Variants in DAB1 observed in about 807,000 individuals in gnomAD.
DAB1 encodes DAB adaptor protein 1.
Under a neutral mutation model 64.6 loss-of-function variants are expected in DAB1, and 15 were observed. The observed-to-expected ratio is 0.23, with a 90% CI of 0.16 to 0.36. DAB1 has a LOEUF of 0.36. DAB1 is among the 10% of genes least tolerant of loss of function. The pLI is 1.00. For synonymous variants in DAB1, 235 were observed against 251.9 expected (o/e 0.93, Z 0.64); for missense variants, 596 against 706.7 (o/e 0.84, Z 1.78).
At chr1:57,225,591 G>A (rs755632823) in intron 2 of DAB1, among the ~76,000 whole-genome samples, 7 of 152,068 alleles carry the variant, frequency 4.6e-5, no homozygotes, top group African/African-American at 7.2e-5. Context: ...AGAAGCTCAC[G>A]GTGTACGGTA....
intron 4 of DAB1, among the ~76,000 whole-genome samples, chr1:58,337,285 GA>G (rs11322441): frequency 0.15 from 10,275 of 67,262 alleles, 612 homozygotes; most frequent in East Asian, 0.42. Flanking sequence ...CTGTCTCAAA[GA>G]AAAAAAAAAA....
chr1:57,962,280 G>A (rs930730283), intron 5 of DAB1, among the ~76,000 whole-genome samples: 1 of 151,908 alleles, frequency 6.6e-6, no homozygotes, highest in African/African-American at 2.4e-5. Context: ...GTATCTGCCT[G>A]GTATATAACT....
intron 3 of DAB1, among the ~76,000 whole-genome samples, chr1:58,463,380 A>T (rs1645262848): frequency 6.6e-6 from 1 of 152,212 alleles, no homozygotes; most frequent in African/African-American, 2.4e-5. Context: ...GCTGGCTCCA[A>T]GGAGAAGGTG....
chr1:58,228,876 A>G, intron 4 of DAB1: 2 of 569,266 alleles, frequency 3.5e-6, no homozygotes, highest in Admixed American at 2.1e-5. Flanking sequence ...AGAGGCCCAG[A>G]GCATCCGCAG....
chr1:57,797,472 TC>T (rs1281010212), intron 6 of DAB1, among the ~76,000 whole-genome samples: 9 of 152,334 alleles, frequency 5.9e-5, no homozygotes, highest in African/African-American at 1.9e-4. Context: ...TTTAATCTAA[TC>T]TTGGCTAAAA....
At chr1:57,231,090 G>T (rs903831508) in intron 2 of DAB1, among the ~76,000 whole-genome samples, 1 of 152,112 alleles carries the variant, frequency 6.6e-6, no homozygotes, top group Non-Finnish European at 1.5e-5. Flanking sequence ...CAACCTTGTT[G>T]CTATTTTCAA....
intron 7 of DAB1, among the ~76,000 whole-genome samples, chr1:57,473,775 G>A (rs1252828276): frequency 6.6e-6 from 1 of 152,032 alleles, no homozygotes; most frequent in East Asian, 1.9e-4. Flanking sequence ...AATACCCTTG[G>A]GGGTGTCTGC....
intron 5 of DAB1, among the ~76,000 whole-genome samples, chr1:57,932,199 G>A (rs1353506949): frequency 2.0e-5 from 3 of 152,034 alleles, no homozygotes; most frequent in East Asian, 1.9e-4. Flanking sequence ...AGCAGATATC[G>A]ATTGTATGAT....
chr1:58,011,727 G>A (rs570380201), intron 5 of DAB1, among the ~76,000 whole-genome samples: 8 of 151,618 alleles, frequency 5.3e-5, no homozygotes, highest in Admixed American at 1.3e-4. Flanking sequence ...TCTTTCTGTC[G>A]CCCAGGCTGG....
intron 3 of DAB1, among the ~76,000 whole-genome samples, chr1:58,456,703 T>C (rs754884043): frequency 3.3e-5 from 5 of 152,162 alleles, no homozygotes; most frequent in Non-Finnish European, 7.4e-5. Context: ...ACCAAATACT[T>C]ATGAAGCTCC....
At chr1:57,601,103 AC>A (rs1464277814) in intron 7 of DAB1, among the ~76,000 whole-genome samples, 2 of 152,150 alleles carry the variant, frequency 1.3e-5, no homozygotes, top group African/African-American at 2.4e-5. Flanking sequence ...GATAAAAAAC[AC>A]TGCATACATG....
intron 5 of DAB1, among the ~76,000 whole-genome samples, chr1:58,070,676 G>A (rs1316412086): frequency 2.0e-5 from 3 of 152,130 alleles, no homozygotes; most frequent in Non-Finnish European, 2.9e-5. Flanking sequence ...CTGTGGCTAG[G>A]ATAGGCATGC....
At chr1:57,217,639 G>A (rs547361923) in intron 2 of DAB1, among the ~76,000 whole-genome samples, 1 of 152,266 alleles carries the variant, frequency 6.6e-6, no homozygotes, top group South Asian at 2.1e-4. Flanking sequence ...CAGTCTAGGT[G>A]ACTGGAACCA....
At chr1:57,636,233 C>T (rs1199443438) in intron 7 of DAB1, among the ~76,000 whole-genome samples, 1 of 152,082 alleles carries the variant, frequency 6.6e-6, no homozygotes, top group African/African-American at 2.4e-5. Flanking sequence ...AAGGCGGCTC[C>T]CTACAATTCA....
intron 3 of DAB1, among the ~76,000 whole-genome samples, chr1:58,442,843 C>A (rs1645027205): frequency 1.3e-5 from 2 of 152,062 alleles, no homozygotes; most frequent in African/African-American, 2.4e-5. Context: ...TGTGTTCATG[C>A]CATTGCACTC....
At chr1:58,071,394 GT>G (rs1463417475) in intron 5 of DAB1, among the ~76,000 whole-genome samples, 141 of 151,256 alleles carry the variant, frequency 9.3e-4, no homozygotes, top group African/African-American at 3.1e-3. Flanking sequence ...GTGTGTGTGT[GT>G]GTGTGTGTGT....
At chr1:58,034,985 A>C (rs1647023114) in intron 5 of DAB1, among the ~76,000 whole-genome samples, 1 of 152,170 alleles carries the variant, frequency 6.6e-6, no homozygotes, top group Non-Finnish European at 1.5e-5. Flanking sequence ...TTTGACCAAT[A>C]GAATGTAGCA....
At chr1:57,516,644 T>C (rs961568385) in intron 7 of DAB1, among the ~76,000 whole-genome samples, 10 of 152,196 alleles carry the variant, frequency 6.6e-5, no homozygotes, top group African/African-American at 2.2e-4. Flanking sequence ...CATCATAATT[T>C]TCCAAGTCCC....
chr1:57,277,098 C>T (rs552010791), intron 2 of DAB1, among the ~76,000 whole-genome samples: 4 of 152,202 alleles, frequency 2.6e-5, no homozygotes, highest in Admixed American at 1.3e-4. Flanking sequence ...TCACCTATGA[C>T]GTGCTAAAGT....
Sources: allele counts gnomAD v4.1 joint callset (sites outside exome capture counted in the v4.1 genomes callset), GRCh38; gene constraint gnomAD v4.1.1; transcripts MANE v1.5; gene names NCBI Gene and HGNC (gene_info 2026-07-23, HGNC 2026-07-21).